The following CERKL variants were observed in gnomAD, a reference collection of about 807,000 sequenced individuals.
CERKL encodes the protein ceramide kinase-like protein.
In CERKL, 61 loss-of-function variants were observed where a neutral mutation model predicts 63.4. The observed-to-expected ratio is 0.96, with a 90% CI of 0.78 to 1.19. The LOEUF is 1.19. CERKL is among the 50% of genes most tolerant of loss of function. The pLI is 0.00. For synonymous variants in CERKL, 250 were observed against 230.5 expected (o/e 1.08, Z -0.77); for missense variants, 675 against 655.5 (o/e 1.03, Z -0.33).
At chr2:181,596,602 A>T (rs538456695) in intron 2 of CERKL, among the ~76,000 whole-genome samples, 1 of 152,338 alleles carries the variant, frequency 6.6e-6, no homozygotes, top group Admixed American at 6.5e-5. Flanking sequence ...ATTTTACATG[A>T]ATCAGGAATG....
intron 2 of CERKL, among the ~76,000 whole-genome samples, chr2:181,600,188 A>C (rs1405027167): frequency 6.6e-6 from 1 of 152,256 alleles, no homozygotes; most frequent in Non-Finnish European, 1.5e-5. Flanking sequence ...CCTGCCATAC[A>C]AGAAATACTC....
intron 1 of CERKL, among the ~76,000 whole-genome samples, chr2:181,627,482 T>G (rs1686763102): frequency 6.6e-6 from 1 of 152,204 alleles, no homozygotes; most frequent in African/African-American, 2.4e-5. Context: ...GAGGAATAAA[T>G]CTTTTCCCAA....
intron 1 of CERKL, among the ~76,000 whole-genome samples, chr2:181,628,967 G>A (rs556645405): frequency 1.4e-4 from 22 of 152,160 alleles, no homozygotes; most frequent in South Asian, 2.1e-4. Context: ...CTACTTTAGA[G>A]AGAATGACTA....
chr2:181,609,160 C>G (rs909691620), intron 1 of CERKL, among the ~76,000 whole-genome samples: 4 of 151,852 alleles, frequency 2.6e-5, no homozygotes, highest in Non-Finnish European at 5.9e-5. Flanking sequence ...CATTGTGCAG[C>G]TGAGTTACAT....
chr2:181,655,973 T>C (rs1164866431), intron 1 of CERKL, among the ~76,000 whole-genome samples: 1 of 152,212 alleles, frequency 6.6e-6, no homozygotes, highest in Non-Finnish European at 1.5e-5. Flanking sequence ...CAAAATGGTC[T>C]TTATAAAATA....
Position 181,603,942 on chromosome 2 carries a change from A to C in CERKL, c.376T>G (p.Leu126Val), listed in dbSNP as rs750321408. The C allele has an allele frequency of 5.0e-6, 8 of 1,613,350 alleles. No individual in the cohort carries two copies. In the South Asian group the frequency reaches 8.8e-5, roughly 18 times the overall value. ...TTTAGTTTATTTTGTTCCTTTTTCA[A>C]GCAGATGAAGAGTGTGATACCTAAT... ...TLLGITLFIC[L>V]KKEQNKLKNS... is the part of the protein sequence containing the mutation. The change falls in exon 2 of 13, where the codon TTG becomes GTG. Residue 126 changes from leucine to valine, a missense_variant. Physicochemically the swap from Leu to Val is conservative, Grantham distance 32. Coordinates refer to ENST00000410087, the MANE Select transcript of CERKL (RefSeq NM_201548.5).
At chr2:181,579,974 T>C (rs963478315) in intron 2 of CERKL, among the ~76,000 whole-genome samples, 15 of 152,038 alleles carry the variant, frequency 9.9e-5, no homozygotes, top group African/African-American at 3.6e-4. Flanking sequence ...TTAAACATTA[T>C]AGTTTTATAA....
intron 2 of CERKL, among the ~76,000 whole-genome samples, chr2:181,587,273 C>T (rs374382330): frequency 1.3e-5 from 2 of 152,040 alleles, no homozygotes; most frequent in Non-Finnish European, 2.9e-5. Flanking sequence ...TACATGCAGC[C>T]CAGCAATGTA....
At chr2:181,654,591 C>G (rs1210977058) in intron 1 of CERKL, among the ~76,000 whole-genome samples, 1 of 152,144 alleles carries the variant, frequency 6.6e-6, no homozygotes, top group Non-Finnish European at 1.5e-5. Flanking sequence ...TGCCAACCAG[C>G]AATGGACATG....
intron 2 of CERKL, among the ~76,000 whole-genome samples, chr2:181,583,875 T>C (rs2105864259): frequency 6.6e-6 from 1 of 152,308 alleles, no homozygotes; most frequent in South Asian, 2.1e-4. Context: ...TAAAAGACAT[T>C]ATGGAAAATA....
chr2:181,631,706 C>T (rs756890393), intron 1 of CERKL, among the ~76,000 whole-genome samples: 14 of 152,184 alleles, frequency 9.2e-5, no homozygotes, highest in Non-Finnish European at 1.8e-4. Flanking sequence ...TTTTACCACC[C>T]ACCCTGCTAT....
At chr2:181,586,311 C>G (rs1559090866) in intron 2 of CERKL, among the ~76,000 whole-genome samples, 1 of 152,040 alleles carries the variant, frequency 6.6e-6, no homozygotes, top group Non-Finnish European at 1.5e-5. Flanking sequence ...ACAAATAACT[C>G]TCTGGAAAAC....
intron 1 of CERKL, among the ~76,000 whole-genome samples, chr2:181,652,777 GA>G (rs1360819606): frequency 2.7e-5 from 2 of 73,146 alleles, no homozygotes. Flanking sequence ...AAATAATAAT[GA>G]CTTTTTTTTT....
Position 181,538,062 on chromosome 2 carries a change from C to CA in CERKL, c.*121_*122insT, listed in dbSNP as rs1373289587. 2.3e-4 allele frequency: 162 copies of CA among 716,384 alleles called. 1 individual carries two copies. The East Asian group carries it at 4.3e-3, about 19-fold the overall frequency. 44.4% of individuals were successfully genotyped at this position (716,384 alleles called of 1,614,324 possible). On this transcript the variant is annotated 3_prime_UTR_variant, in exon 13 of 13. Coordinates refer to ENST00000410087, the MANE Select transcript of CERKL (RefSeq NM_201548.5). ...CATCCTGAAACCATTCCCCCATCCA[C>CA]GGAAAAATTGTCTTCCATGAAACTG...
At chr2:181,648,832 T>G (rs1354836346) in intron 1 of CERKL, among the ~76,000 whole-genome samples, 1 of 152,202 alleles carries the variant, frequency 6.6e-6, no homozygotes, top group Non-Finnish European at 1.5e-5. Flanking sequence ...TGACCAAAGT[T>G]AACTTGCTAT....
At chr2:181,646,177 G>T (rs1223513448) in intron 1 of CERKL, among the ~76,000 whole-genome samples, 1 of 152,202 alleles carries the variant, frequency 6.6e-6, no homozygotes, top group African/African-American at 2.4e-5. Context: ...AAGTAGGCAG[G>T]ATTGGTGGGT....
chr2:181,566,254 A>G, intron 3 of CERKL, 133 bp from the exon 4 acceptor site: 2 of 723,734 alleles, frequency 2.8e-6, no homozygotes, highest in Non-Finnish European at 2.5e-6. Flanking sequence ...TTGAATATTT[A>G]TATTTTAATC....
chr2:181,604,345 A>C lies in CERKL; in HGVS notation c.239-266T>G, dbSNP rs1194682325. On this transcript the variant is annotated intron_variant, in intron 1 of 12. Coordinates refer to ENST00000410087, the MANE Select transcript of CERKL (RefSeq NM_201548.5). ...AATGAATTACTAGTAAGAAATAAAA[A>C]TTGTGACCATATCTTAAATGTATGA... Among the ~76,000 whole-genome samples the C allele has an allele frequency of 2.6e-5, 4 of 152,324 alleles. No individual in the cohort carries two copies. In the East Asian group the frequency reaches 7.7e-4, roughly 29 times the overall value.
chr2:181,643,270 T>G (rs1574061883), intron 1 of CERKL, among the ~76,000 whole-genome samples: 1 of 152,236 alleles, frequency 6.6e-6, no homozygotes, highest in African/African-American at 2.4e-5. Flanking sequence ...CCCTTCATTT[T>G]GCCAGTGAAT....
Sources: allele counts gnomAD v4.1 joint callset (sites outside exome capture counted in the v4.1 genomes callset), GRCh38; gene constraint gnomAD v4.1.1; transcripts MANE v1.5; gene names NCBI Gene and HGNC (gene_info 2026-07-23, HGNC 2026-07-21).